The following FMN1 variants were observed in gnomAD, a reference collection of about 807,000 sequenced individuals.
FMN1 encodes the protein formin-1.
Under a neutral mutation model 132.4 loss-of-function variants are expected in FMN1, and 110 were observed. The ratio of observed to expected loss-of-function variants is 0.83; its 90% CI spans 0.71 to 0.97. FMN1 has a LOEUF of 0.97. Ranked by LOEUF, FMN1 falls within the 50% of genes least tolerant of loss-of-function variation. The pLI is 0.00. For synonymous variants in FMN1, 722 were observed against 651.7 expected, an observed-to-expected ratio of 1.11 and a Z score of -1.64; for missense variants, 1,792 against 1,705.3, an observed-to-expected ratio of 1.05 and a Z score of -0.90.
At chr15:32,855,750 T>C (rs986446114) in intron 17 of FMN1, among the ~76,000 whole-genome samples, 1 of 152,200 alleles carries the variant, frequency 6.6e-6, no homozygotes, top group African/African-American at 2.4e-5. Context: ...AAAAAGCAGA[T>C]ACTATTAACT....
At chr15:32,898,729 T>C (rs1379965686) in intron 15 of FMN1, 105 bp downstream of exon 15, 6 of 737,914 alleles carry the variant, frequency 8.1e-6, no homozygotes, top group Non-Finnish European at 1.4e-5. Flanking sequence ...GCTCTCATAT[T>C]CTATGTTGGG....
intron 15 of FMN1, among the ~76,000 whole-genome samples, chr15:32,893,463 T>C (rs2060081913): frequency 6.6e-6 from 1 of 152,230 alleles, no homozygotes; most frequent in Admixed American, 6.5e-5. Flanking sequence ...AGCTGCTTAA[T>C]TAGAGTTAAA....
At position 32,974,302 on chromosome 15, in the gene FMN1, T is replaced by A. The variant is rs116509406; in HGVS notation, c.2224-4825A>T. Among the ~76,000 whole-genome samples, 1,095 of 152,338 alleles carry A rather than the reference T, an allele frequency of 7.2e-3. 13 individuals carry two copies. Among genetic ancestry groups the A allele is most frequent in the African/African-American group, 0.025 (1,035 of 41,576 alleles). On this transcript the variant is annotated intron_variant, in intron 7 of 20. Coordinates refer to ENST00000616417, the MANE Select transcript of FMN1 (RefSeq NM_001277313.2). ...AAGAGACAGGTGCTGAGGTTTGATA[T>A]CTTTCCAGTCTTTAAGTTTTACCTA...
intron 17 of FMN1, among the ~76,000 whole-genome samples, chr15:32,854,310 G>A (rs562687864): frequency 3.9e-5 from 6 of 152,238 alleles, no homozygotes; most frequent in African/African-American, 7.2e-5. Flanking sequence ...TTGCCACATC[G>A]AACAGCACAA....
chr15:32,917,709 G>C (rs2060718168), intron 10 of FMN1, among the ~76,000 whole-genome samples: 2 of 152,160 alleles, frequency 1.3e-5, no homozygotes, highest in Admixed American at 1.3e-4. Context: ...GACAAAGATT[G>C]TACTTCATTT....
intron 4 of FMN1, among the ~76,000 whole-genome samples, chr15:33,137,885 T>C (rs768942430): frequency 1.3e-5 from 2 of 152,168 alleles, no homozygotes; most frequent in African/African-American, 2.4e-5. Flanking sequence ...GCAGCTGCAG[T>C]CGGCCAGACC....
intron 16 of FMN1, among the ~76,000 whole-genome samples, chr15:32,869,014 C>T (rs1281769360): frequency 2.0e-5 from 3 of 152,122 alleles, no homozygotes. Flanking sequence ...AAAGGCTCTC[C>T]AGGAGAGAAA....
intron 4 of FMN1, among the ~76,000 whole-genome samples, chr15:33,114,583 G>T (rs1445868151): frequency 1.3e-5 from 2 of 152,076 alleles, no homozygotes; most frequent in African/African-American, 4.8e-5. Flanking sequence ...ACGCAAACGC[G>T]AGTCTCTCCT....
intron 16 of FMN1, among the ~76,000 whole-genome samples, chr15:32,884,440 G>A (rs76658722): frequency 4.6e-5 from 7 of 152,230 alleles, no homozygotes; most frequent in African/African-American, 7.2e-5. Flanking sequence ...AGTCCTCAGC[G>A]TTTAAAGACT....
intron 9 of FMN1, among the ~76,000 whole-genome samples, chr15:32,956,144 C>A (rs1449917647): frequency 6.6e-6 from 1 of 152,048 alleles, no homozygotes; most frequent in Non-Finnish European, 1.5e-5. Flanking sequence ...AGGATCCATG[C>A]AACTTTTATC....
At chr15:33,121,790 C>T (rs1962583202) in intron 4 of FMN1, among the ~76,000 whole-genome samples, 1 of 152,170 alleles carries the variant, frequency 6.6e-6, no homozygotes, top group African/African-American at 2.4e-5. Flanking sequence ...CTCAGCCTCC[C>T]AAAGTGCTAG....
intron 9 of FMN1, among the ~76,000 whole-genome samples, chr15:32,935,800 GT>G (rs2061254281): frequency 6.6e-6 from 1 of 151,776 alleles, no homozygotes; most frequent in South Asian, 2.1e-4. Context: ...GCTAATTTTT[GT>G]TCTTTTAGTA....
At chr15:33,088,658 T>C (rs1376001085) in intron 5 of FMN1, 141 bp downstream of exon 5, 1 of 743,596 alleles carries the variant, frequency 1.3e-6, no homozygotes, top group Non-Finnish European at 2.1e-6. Flanking sequence ...ATCTTCATTT[T>C]CTGCAGCCCA....
At chr15:33,126,306 T>C (rs1009330752) in intron 4 of FMN1, among the ~76,000 whole-genome samples, 4 of 152,088 alleles carry the variant, frequency 2.6e-5, no homozygotes, top group Admixed American at 6.5e-5. Context: ...CAGGCCCTCA[T>C]GGATGGGCAA....
At chr15:32,995,342 A>G (rs527365041) in intron 7 of FMN1, among the ~76,000 whole-genome samples, 1 of 152,272 alleles carries the variant, frequency 6.6e-6, no homozygotes, top group South Asian at 2.1e-4. Flanking sequence ...CAACTTCTAT[A>G]AAAAGTTGAT....
chr15:32,772,917 G>A lies in FMN1; in HGVS notation c.*1393C>T, dbSNP rs959018901. On this transcript the variant is annotated 3_prime_UTR_variant, in exon 21 of 21. Coordinates refer to ENST00000616417, the MANE Select transcript of FMN1 (RefSeq NM_001277313.2). ...TGGGGCAAGGGGCAGGCCACATGTG[G>A]AGGCTGGATCAGGAAGGAATTTAAG... 1 of 152,542 alleles carries A rather than the reference G, an allele frequency of 6.6e-6. No homozygotes were observed. Among genetic ancestry groups the A allele is most frequent in the African/African-American group, 2.4e-5 (1 of 41,454 alleles). The allele number at this position is 152,542 out of a possible 1,614,324, so 9.4% of individuals were successfully genotyped here.
intron 4 of FMN1, among the ~76,000 whole-genome samples, chr15:33,147,387 T>C (rs1403021536): frequency 6.6e-6 from 1 of 152,222 alleles, no homozygotes; most frequent in Non-Finnish European, 1.5e-5. Flanking sequence ...AAAAATAGTT[T>C]TCTCTTTTAC....
intron 16 of FMN1, among the ~76,000 whole-genome samples, chr15:32,863,471 ATCAAT>A (rs2059323638): frequency 6.6e-6 from 1 of 152,194 alleles, no homozygotes; most frequent in Non-Finnish European, 1.5e-5. Context: ...AAATAAACAC[ATCAAT>A]TCAACACATG....
chr15:33,100,776 T>C (rs1205155612), intron 4 of FMN1, among the ~76,000 whole-genome samples: 1 of 152,174 alleles, frequency 6.6e-6, no homozygotes, highest in Non-Finnish European at 1.5e-5. Context: ...TTGAGATCTA[T>C]TACAAATATA....
Sources: gnomAD v4.1 joint callset for allele counts (sites outside exome capture counted in the v4.1 genomes callset) on GRCh38, gnomAD v4.1.1 for gene constraint, MANE v1.5 for transcripts, NCBI Gene and HGNC (gene_info 2026-07-23, HGNC 2026-07-21) for gene names.